Variants in LINGO2 observed in about 807,000 individuals in gnomAD.
LINGO2 encodes leucine-rich repeat and immunoglobulin-like domain-containing nogo receptor-interacting protein 2.
LINGO2 carries 14 observed loss-of-function variants against 30.6 expected under a neutral mutation model. That is an observed-to-expected ratio of 0.46 (90% CI 0.30 to 0.72). LINGO2 has a LOEUF of 0.72. Ranked by LOEUF, LINGO2 falls within the 30% of genes least tolerant of loss-of-function variation. The pLI, the probability that LINGO2 is intolerant of heterozygous loss-of-function variation, is 0.07. For missense variants in LINGO2, 729 were observed against 751.7 expected (o/e 0.97, Z 0.35); for synonymous variants, 317 against 288.5 (o/e 1.10, Z -1.00).
the LINGO2 span, among the ~76,000 whole-genome samples, chr9:28,966,247 G>C: frequency 6.6e-6 from 1 of 152,122 alleles, no homozygotes; most frequent in African/African-American, 2.4e-5. Context: ...AAAAGAGTAA[G>C]AGAGGTTGAG....
chr9:29,015,062 C>T, the LINGO2 span, among the ~76,000 whole-genome samples: 37 of 152,062 alleles, frequency 2.4e-4, no homozygotes, highest in Non-Finnish European at 4.0e-4. Flanking sequence ...CTTCATGAAC[C>T]GGCAGAATAA....
intron 4 of LINGO2, among the ~76,000 whole-genome samples, chr9:28,149,753 G>A (rs12352957): frequency 0.045 from 6,150 of 136,288 alleles, 440 homozygotes; most frequent in African/African-American, 0.16. Context: ...GCTGCCCACC[G>A]TCTGGGAATT....
intron 4 of LINGO2, among the ~76,000 whole-genome samples, chr9:28,242,011 G>GA (rs140270977): frequency 0.072 from 10,828 of 151,332 alleles, 496 homozygotes; most frequent in Middle Eastern, 0.15. Flanking sequence ...ATGAAGATGA[G>GA]AAAAAAAAAT....
At chr9:28,506,485 C>CACATATAT (rs1820135121) in intron 1 of LINGO2, among the ~76,000 whole-genome samples, 1 of 73,376 alleles carries the variant, frequency 1.4e-5, no homozygotes, top group Non-Finnish European at 2.7e-5. Flanking sequence ...CACACATACA[C>CACATATAT]ATACACACAC....
the LINGO2 span, among the ~76,000 whole-genome samples, chr9:28,910,228 C>T: frequency 6.6e-6 from 1 of 151,916 alleles, no homozygotes; most frequent in African/African-American, 2.4e-5. Flanking sequence ...TCTCTTGGGG[C>T]ATAAAATCGA....
At chr9:28,052,731 AAG>A (rs1223259020) in intron 4 of LINGO2, among the ~76,000 whole-genome samples, 4 of 152,108 alleles carry the variant, frequency 2.6e-5, no homozygotes, top group Non-Finnish European at 5.9e-5. Context: ...AAGAAAGTAA[AAG>A]AATTTTCTTA....
intron 4 of LINGO2, among the ~76,000 whole-genome samples, chr9:28,277,489 A>C (rs1243980462): frequency 6.6e-6 from 1 of 152,086 alleles, no homozygotes; most frequent in Non-Finnish European, 1.5e-5. Flanking sequence ...GAAGAACTGC[A>C]CATCTCTCAC....
At chr9:28,214,769 G>A (rs1447680993) in intron 4 of LINGO2, among the ~76,000 whole-genome samples, 1 of 151,574 alleles carries the variant, frequency 6.6e-6, no homozygotes, top group Non-Finnish European at 1.5e-5. Flanking sequence ...AGAGCCAATG[G>A]TACCCACATG....
chr9:28,071,703 G>A (rs1825482129), intron 4 of LINGO2, among the ~76,000 whole-genome samples: 1 of 152,020 alleles, frequency 6.6e-6, no homozygotes, highest in Admixed American at 6.6e-5. Context: ...CAATAAATGA[G>A]TGATAAAAAC....
chr9:28,031,675 CTCTG>C (rs936862362), intron 4 of LINGO2, among the ~76,000 whole-genome samples: 1 of 152,190 alleles, frequency 6.6e-6, no homozygotes, highest in African/African-American at 2.4e-5. Context: ...TTATGATCTG[CTCTG>C]TCTGTGTCGG....
intron 1 of LINGO2, among the ~76,000 whole-genome samples, chr9:28,643,274 C>A (rs1688982223): frequency 6.6e-6 from 1 of 151,956 alleles, no homozygotes; most frequent in Non-Finnish European, 1.5e-5. Flanking sequence ...AATCACATGA[C>A]CTGACTTCAA....
chr9:28,013,615 T>C (rs867204788), intron 4 of LINGO2, among the ~76,000 whole-genome samples: 2 of 152,226 alleles, frequency 1.3e-5, no homozygotes, highest in Admixed American at 1.3e-4. Flanking sequence ...TGATAGTAAG[T>C]AGCTCTACTT....
the LINGO2 span, among the ~76,000 whole-genome samples, chr9:29,028,276 T>C: frequency 6.6e-6 from 1 of 152,098 alleles, no homozygotes; most frequent in Non-Finnish European, 1.5e-5. Flanking sequence ...GATTCTCATA[T>C]AAAATATATA....
intron 1 of LINGO2, among the ~76,000 whole-genome samples, chr9:28,600,690 C>T (rs561857622): frequency 1.2e-4 from 19 of 152,060 alleles, no homozygotes; most frequent in South Asian, 6.2e-4. Flanking sequence ...TGTTTTCAAA[C>T]GAAGCATTTT....
intron 3 of LINGO2, among the ~76,000 whole-genome samples, chr9:28,309,771 A>G (rs28851897): frequency 0.081 from 12,266 of 152,022 alleles, 1,615 homozygotes; most frequent in African/African-American, 0.28. Flanking sequence ...AGTTACATAA[A>G]AAACTCGTGT....
chr9:28,569,894 T>C (rs929359691), intron 1 of LINGO2, among the ~76,000 whole-genome samples: 62 of 151,964 alleles, frequency 4.1e-4, no homozygotes, highest in African/African-American at 1.5e-3. Context: ...ATCAACATTG[T>C]ATACCTTAAA....
the LINGO2 span, among the ~76,000 whole-genome samples, chr9:28,868,961 C>T: frequency 2.6e-5 from 4 of 151,962 alleles, no homozygotes; most frequent in South Asian, 4.1e-4. Context: ...ATTTATATCT[C>T]GCTGATTTGA....
chr9:28,407,755 T>G (rs977718008), intron 2 of LINGO2, among the ~76,000 whole-genome samples: 1 of 152,146 alleles, frequency 6.6e-6, no homozygotes, highest in African/African-American at 2.4e-5. Context: ...ACTGTTAACC[T>G]TTTCCTTACA....
At chr9:28,346,357 C>G (rs145114270) in intron 3 of LINGO2, among the ~76,000 whole-genome samples, 259 of 152,272 alleles carry the variant, frequency 1.7e-3, no homozygotes, top group Middle Eastern at 3.4e-3. Context: ...ATCCATGTTC[C>G]CACAAAGGAC....
Sources: allele counts gnomAD v4.1 joint callset (sites outside exome capture counted in the v4.1 genomes callset), GRCh38; gene constraint gnomAD v4.1.1; transcripts MANE v1.5; gene names NCBI Gene and HGNC (gene_info 2026-07-23, HGNC 2026-07-21).